The following ITPKC variants were observed in gnomAD, a reference collection of about 807,000 sequenced individuals.
The protein encoded by ITPKC is IP3 3-kinase C.
In ITPKC, 33 loss-of-function variants were observed where a neutral mutation model predicts 67.1. That is an observed-to-expected ratio of 0.49 (90% CI 0.37 to 0.66). The LOEUF (loss-of-function observed/expected upper bound fraction) is 0.66. Among genes scored for constraint, ITPKC ranks in the 30% least tolerant of loss-of-function variants. ITPKC has a pLI of 0.00. For missense variants in ITPKC, 820 were observed against 892.1 expected (o/e 0.92, Z 1.03); for synonymous variants, 341 against 359.8 (o/e 0.95, Z 0.59).
intron 2 of ITPKC, among the ~76,000 whole-genome samples, chr19:40,726,781 G>A (rs1384508904): frequency 6.6e-6 from 1 of 152,170 alleles, no homozygotes; most frequent in Non-Finnish European, 1.5e-5. Flanking sequence ...GCGGCTCATG[G>A]CTGTAGTTCT....
intron 5 of ITPKC, among the ~76,000 whole-genome samples, 167 bp downstream of exon 5, chr19:40,737,254 G>A (rs1283791442): frequency 6.6e-6 from 1 of 152,200 alleles, no homozygotes; most frequent in Non-Finnish European, 1.5e-5. Context: ...TGGTCCAGGG[G>A]GCCCTGCTCC....
In ITPKC at chr19:40,739,670, G is replaced by A. The variant is rs936670107; in HGVS notation, c.*110G>A. On this transcript the variant is annotated 3_prime_UTR_variant, in exon 7 of 7. Transcript: ENST00000263370. Reference sequence around the variant, plus strand: ...CACGGGGGAGCTGGCCTCCAGGGACGGGAGAGATTGTGTCATGTGCCACAC... The same window carrying A: ...CACGGGGGAGCTGGCCTCCAGGGACAGGAGAGATTGTGTCATGTGCCACAC... 9.6e-6 allele frequency: 9 copies of A among 932,922 alleles called. No individual in the cohort carries two copies. Among genetic ancestry groups the A allele is most frequent in the South Asian group, 8.1e-5 (5 of 62,004 alleles). 57.8% of individuals were successfully genotyped at this position (932,922 alleles called of 1,614,324 possible).
At chr19:40,729,504 GCCTGTAATCCCA>G (rs1216309925) in intron 3 of ITPKC, 89 bp downstream of exon 3, 1 of 1,147,562 alleles carries the variant, frequency 8.7e-7, no homozygotes, top group Non-Finnish European at 1.3e-6. Context: ...GGTGGCTCAC[GCCTGTAATCCCA>G]GCACTTTGGG....
Position 40,717,385 on chromosome 19 carries a change from A to G in ITPKC, c.250A>G (p.Ser84Gly). Reference sequence around the variant, plus strand: ...CCTCGGGCCTGCGCCGGGGACAGAGAGTCCGCAGGCAGAATTCTGGACAGA... The same window carrying G: ...CCTCGGGCCTGCGCCGGGGACAGAGGGTCCGCAGGCAGAATTCTGGACAGA... Reference protein sequence around the residue: ...AGLGPAPGTESPQAEFWTDGQ... With the variant: ...AGLGPAPGTEGPQAEFWTDGQ... The change falls in exon 1 of 7, where the codon AGT becomes GGT. Residue 84 changes from serine (S) to glycine (G), a missense_variant. Physicochemically the swap from Ser to Gly is moderately conservative, Grantham distance 56 (BLOSUM62 0). Transcript: ENST00000263370. The G allele has an allele frequency of 6.2e-7, 1 of 1,613,250 alleles. No individual in the cohort carries two copies. Among genetic ancestry groups the G allele is most frequent in the Non-Finnish European group, 8.5e-7 (1 of 1,179,914 alleles).
At position 40,739,708 on chromosome 19, in the gene ITPKC, G is replaced by T; in HGVS notation, c.*148G>T. 1.5e-6 allele frequency: 1 copy of T among 675,024 alleles called. No homozygotes were observed. Among genetic ancestry groups the T allele is most frequent in the Non-Finnish European group, 2.5e-6 (1 of 402,498 alleles). The allele number at this position is 675,024 out of a possible 1,614,324, so 41.8% of individuals were successfully genotyped here. The stretch of plus-strand genomic sequence containing the variant: ...TCATGTGCCACACGAGACCAACGTG[G>T]AAAAGTCTGAAGGGCCTTGGGAGAC... On this transcript the variant is annotated 3_prime_UTR_variant, in exon 7 of 7. Transcript: ENST00000263370.
intron 1 of ITPKC, among the ~76,000 whole-genome samples, chr19:40,719,476 A>G (rs182742609): frequency 6.6e-6 from 1 of 151,312 alleles, no homozygotes; most frequent in South Asian, 2.1e-4. Context: ...CCTCGCAGCA[A>G]CCCTAATGAG....
chr19:40,736,289 A>C, intron 4 of ITPKC, among the ~76,000 whole-genome samples: 1 of 149,518 alleles, frequency 6.7e-6, no homozygotes, highest in East Asian at 2.0e-4. Flanking sequence ...GACTCTGTCA[A>C]AAAAAAAAAG....
Position 40,739,463 on chromosome 19 carries a change from GC to G in ITPKC, c.1957del (p.His653ThrfsTer21), listed in dbSNP as rs1568453752. 2.5e-6 allele frequency: 4 copies of G among 1,613,604 alleles called. No homozygotes were observed. The African/African-American group carries it at 5.3e-5, about 21-fold the overall frequency. ...GCCTTGCCCGACCACCAGACGCTCA[GC>G]CACAGGCTGCCCTGGGCTGAGGGCA... ...TVALPDHQTL[S>X]HRLPWAEGNR... is the part of the protein sequence containing the mutation. On this transcript the variant is annotated frameshift_variant, in exon 7 of 7. Transcript: ENST00000263370. LOFTEE classifies it high-confidence loss of function.
intron 1 of ITPKC, among the ~76,000 whole-genome samples, chr19:40,719,690 A>G (rs2082212250): frequency 6.6e-6 from 1 of 151,844 alleles, no homozygotes; most frequent in South Asian, 2.1e-4. Context: ...GGGTTTCATC[A>G]TGTTGGCCAG....
In ITPKC at chr19:40,739,552, C is replaced by T; in HGVS notation, c.2044C>T (p.Gln682Ter). Reference protein sequence around the residue: ...NMICLLQGLAQS With the variant: ...NMICLLQGLA ...GATCTGCCTCCTGCAGGGGCTGGCA[C>T]AGAGCTGAGCTGCTCAGCCACCATC... The change falls in exon 7 of 7, where the codon CAG becomes TAG. Residue 682 changes from glutamine (Q) to a stop codon, truncating the protein, a stop_gained. Transcript: ENST00000263370. LOFTEE classifies it high-confidence loss of function. The T allele has an allele frequency of 6.2e-7, 1 of 1,612,916 alleles. No homozygotes were observed.
Position 40,740,133 on chromosome 19 carries a change from C to G in ITPKC, c.*573C>G. 6.5e-6 allele frequency: 1 copy of G among 154,486 alleles called. No individual in the cohort carries two copies. The highest frequency in any genetic ancestry group is 2.4e-5 in the African/African-American group (1 of 41,582). 9.6% of individuals were successfully genotyped at this position (154,486 alleles called of 1,614,324 possible). On this transcript the variant is annotated 3_prime_UTR_variant, in exon 7 of 7. Transcript: ENST00000263370. Reference sequence around the variant, plus strand: ...CGACAAGAGGCTCAGAGGGCATGACCCCATGGGACTGGATGCGGCCTGAGG... The same window carrying G: ...CGACAAGAGGCTCAGAGGGCATGACGCCATGGGACTGGATGCGGCCTGAGG...
chr19:40,726,241 CAAAAAA>C (rs3042311), intron 2 of ITPKC, among the ~76,000 whole-genome samples: 1 of 146,690 alleles, frequency 6.8e-6, no homozygotes, highest in South Asian at 2.1e-4. Context: ...AACTTCGTCT[CAAAAAA>C]AAAAAAGACT....
chr19:40,739,846 T>G lies in ITPKC; in HGVS notation c.*286T>G. 1 of 468,516 alleles carries G rather than the reference T, an allele frequency of 2.1e-6. No homozygotes were observed. The highest frequency in any genetic ancestry group is 4.1e-5 in the East Asian group (1 of 24,586). The allele number at this position is 468,516 out of a possible 1,614,324, so 29.0% of individuals were successfully genotyped here. ...GGGTCCCCGGATCTGCCGGGAAGGC[T>G]TCTGAGGGGCTGCCCTGAGAGCATT... On this transcript the variant is annotated 3_prime_UTR_variant, in exon 7 of 7. Transcript: ENST00000263370.
At position 40,718,111 on chromosome 19, in the gene ITPKC, C is replaced by T; in HGVS notation, c.976C>T (p.Pro326Ser). 6.2e-7 allele frequency: 1 copy of T among 1,613,014 alleles called. No individual in the cohort carries two copies. The highest frequency in any genetic ancestry group is 8.5e-7 in the Non-Finnish European group (1 of 1,179,924). ...TCACCTGAAGTGTAGCCCCCTGTGCCCTGTGCCCCGCCTCATCATTACCCC... is the reference window on the plus strand; with the variant it reads ...TCACCTGAAGTGTAGCCCCCTGTGCTCTGTGCCCCGCCTCATCATTACCCC... ...YSHLKCSPLC[P>S]VPRLIITPET... The change falls in exon 1 of 7, where the codon CCT becomes TCT. Residue 326 changes from proline to serine, a missense_variant. Physicochemically the swap from Pro to Ser is moderately conservative, Grantham distance 74. Around this residue, in one of 2 missense-constraint regions of ITPKC, gnomAD observed 481 missense variants for 470.1 expected, o/e 1.02. Coordinates refer to ENST00000263370, the MANE Select transcript of ITPKC (RefSeq NM_025194.3).
intron 6 of ITPKC, among the ~76,000 whole-genome samples, chr19:40,738,062 G>A (rs1315910216): frequency 6.6e-6 from 1 of 152,020 alleles, no homozygotes; most frequent in African/African-American, 2.4e-5. Context: ...GGGAGGCTGA[G>A]GCGGGCGGAT....
Position 40,717,728 on chromosome 19 carries a change from A to T in ITPKC, c.593A>T (p.His198Leu), listed in dbSNP as rs753282561. ...TCCTGGGCTGATAACCTCTGGACCC[A>T]CCAGAACAGTTCCAGCCTCCAGACT... is the stretch of plus-strand genomic sequence containing the variant. ...VKSWADNLWT[H>L]QNSSSLQTHP... Residue 198 changes from histidine (H) to leucine (L), a missense_variant, in exon 1 of 7, where the codon CAC (histidine) becomes CTC (leucine). Around this residue, in one of 2 missense-constraint regions of ITPKC, gnomAD observed 481 missense variants for 470.1 expected, o/e 1.02. Transcript: ENST00000263370. 1 of 1,613,718 alleles carries T rather than the reference A, an allele frequency of 6.2e-7. No individual in the cohort carries two copies. The highest frequency in any genetic ancestry group is 8.5e-7 in the Non-Finnish European group (1 of 1,179,904).
In ITPKC at chr19:40,734,781, G is replaced by GTTTTT. The variant is rs34843018; in HGVS notation, c.1674+1430_1674+1434dup. On this transcript the variant is annotated intron_variant, in intron 4 of 6. Coordinates refer to ENST00000263370, the MANE Select transcript of ITPKC (RefSeq NM_025194.3). Reference sequence around the variant, plus strand: ...GCACTACCATGCCTGGCTAATTGTTGTTTTTTTTTTTTTTTTTGAGACAGA... The same window carrying GTTTTT: ...GCACTACCATGCCTGGCTAATTGTTGTTTTTTTTTTTTTTTTTTTTTTGAGACAGA... 1.9e-4 allele frequency among the ~76,000 whole-genome samples: 22 copies of GTTTTT among 114,842 alleles called. 2 individuals carry two copies. The highest frequency in any genetic ancestry group is 5.5e-4 in the South Asian group (2 of 3,634). The allele number at this position is 114,842 out of a possible 152,430, so 75.3% of individuals were successfully genotyped here.
chr19:40,723,838 TAGTC>T (rs1462797081), intron 1 of ITPKC, among the ~76,000 whole-genome samples: 1 of 152,144 alleles, frequency 6.6e-6, no homozygotes, highest in African/African-American at 2.4e-5. Flanking sequence ...GTCTCTGTAT[TAGTC>T]AGGGTAGGTC....
intron 3 of ITPKC, among the ~76,000 whole-genome samples, chr19:40,731,123 T>G (rs2082268684): frequency 6.6e-6 from 1 of 152,184 alleles, no homozygotes; most frequent in Non-Finnish European, 1.5e-5. Context: ...TTACCTTTAC[T>G]GGTTTAATAT....
Sources: allele counts gnomAD v4.1 joint callset (sites outside exome capture counted in the v4.1 genomes callset), GRCh38; gene constraint gnomAD v4.1.1; regional missense constraint gnomAD v4.1.1; transcripts MANE v1.5; gene names NCBI Gene and HGNC (gene_info 2026-07-23, HGNC 2026-07-21).